Variants in KIF6 observed in about 807,000 individuals in gnomAD.
The protein encoded by KIF6 is kinesin family member 6, also known as kinesin-like protein KIF6.
KIF6 carries 106 observed loss-of-function variants against 112.7 expected under a neutral mutation model. The ratio of observed to expected loss-of-function variants is 0.94; its 90% CI spans 0.80 to 1.11. KIF6 has a LOEUF of 1.11. Among genes scored for constraint, KIF6 ranks in the 50% least tolerant of loss-of-function variants. The probability of loss-of-function intolerance (pLI) is 0.00; values close to 1 mark genes in which losing one functional copy is unlikely to be tolerated. For missense variants in KIF6, 929 were observed against 964.0 expected (o/e 0.96, Z 0.48); for synonymous variants, 339 against 339.9 (o/e 1.00, Z 0.03).
At position 39,722,426 on chromosome 6, in the gene KIF6, T is replaced by G. The variant is rs182750369; in HGVS notation, c.67-1615A>C. 3.2e-4 allele frequency among the ~76,000 whole-genome samples: 48 copies of G among 152,362 alleles called. 1 individual carries two copies. Among genetic ancestry groups the G allele is most frequent in the African/African-American group, 1.0e-3 (42 of 41,586 alleles). Reference sequence around the variant, plus strand: ...TATTATTTGAGATAGTGAAGTTTTTTTTTTAAGAAGACAGAACAAGTGCAA... The same window carrying G: ...TATTATTTGAGATAGTGAAGTTTTTGTTTTAAGAAGACAGAACAAGTGCAA... On this transcript the variant is annotated intron_variant, in intron 1 of 22. Transcript: ENST00000287152.
intron 22 of KIF6, among the ~76,000 whole-genome samples, chr6:39,337,591 T>A (rs983704935): frequency 6.6e-6 from 1 of 151,408 alleles, no homozygotes; most frequent in Admixed American, 6.6e-5. Context: ...GGATTACAGG[T>A]GTGAGCTACC....
chr6:39,413,629 C>T (rs771709796), intron 15 of KIF6, among the ~76,000 whole-genome samples: 3 of 152,034 alleles, frequency 2.0e-5, no homozygotes, highest in Admixed American at 6.6e-5. Flanking sequence ...CTAAAGACCA[C>T]GTAAACTTGG....
chr6:39,345,828 G>A, intron 20 of KIF6, 39 bp from the exon 21 acceptor site: 9 of 1,466,104 alleles, frequency 6.1e-6, no homozygotes, highest in Non-Finnish European at 8.5e-6. Context: ...AGGAATGGGG[G>A]CAAATTTATA....
At chr6:39,529,011 C>T (rs1487278521) in intron 13 of KIF6, among the ~76,000 whole-genome samples, 1 of 152,162 alleles carries the variant, frequency 6.6e-6, no homozygotes, top group Non-Finnish European at 1.5e-5. Context: ...AAATGAACCA[C>T]ACATGTAGAC....
chr6:39,574,126 C>T (rs537495989), intron 10 of KIF6, among the ~76,000 whole-genome samples: 51 of 152,142 alleles, frequency 3.4e-4, no homozygotes, highest in Non-Finnish European at 5.6e-4. Flanking sequence ...TTCATTCTAT[C>T]GCCCAAACTC....
chr6:39,424,044 C>T (rs756658842), intron 14 of KIF6, among the ~76,000 whole-genome samples: 18 of 152,164 alleles, frequency 1.2e-4, no homozygotes, highest in Non-Finnish European at 2.5e-4. Context: ...GATTCCCTAA[C>T]AGGGCGAAGT....
At chr6:39,472,346 T>G (rs970028701) in intron 13 of KIF6, among the ~76,000 whole-genome samples, 9 of 152,280 alleles carry the variant, frequency 5.9e-5, no homozygotes, top group Admixed American at 5.2e-4. Flanking sequence ...AGCCAGACAC[T>G]TCCATGTCTC....
intron 13 of KIF6, among the ~76,000 whole-genome samples, chr6:39,531,810 C>A (rs941122859): frequency 2.6e-5 from 4 of 152,144 alleles, no homozygotes; most frequent in Admixed American, 1.3e-4. Flanking sequence ...CTCTCATCAT[C>A]CCTGTCCTTT....
chr6:39,562,224 G>A (rs1194571551), intron 10 of KIF6, among the ~76,000 whole-genome samples: 1 of 152,136 alleles, frequency 6.6e-6, no homozygotes, highest in Non-Finnish European at 1.5e-5. Context: ...ACAAGCACTG[G>A]TTAATATACT....
intron 10 of KIF6, among the ~76,000 whole-genome samples, chr6:39,551,421 T>C (rs1188584757): frequency 6.6e-6 from 1 of 152,158 alleles, no homozygotes; most frequent in Non-Finnish European, 1.5e-5. Flanking sequence ...AGATCCAGTA[T>C]TCAGTGGCAC....
At chr6:39,470,628 C>T (rs886530013) in intron 13 of KIF6, among the ~76,000 whole-genome samples, 13 of 152,154 alleles carry the variant, frequency 8.5e-5, no homozygotes, top group African/African-American at 1.9e-4. Context: ...TAGAAAACAA[C>T]ATATTTTAGG....
intron 19 of KIF6, among the ~76,000 whole-genome samples, chr6:39,348,607 C>T (rs1763979436): frequency 6.6e-6 from 1 of 152,128 alleles, no homozygotes. Context: ...TGTTGACGCC[C>T]CTCTGGAGAG....
At chr6:39,504,379 C>A (rs1776320038) in intron 13 of KIF6, among the ~76,000 whole-genome samples, 1 of 152,090 alleles carries the variant, frequency 6.6e-6, no homozygotes, top group African/African-American at 2.4e-5. Flanking sequence ...ATGACAGACC[C>A]ACAGACAATA....
chr6:39,389,692 G>A (rs976678731), intron 15 of KIF6, among the ~76,000 whole-genome samples: 8 of 152,174 alleles, frequency 5.3e-5, no homozygotes, highest in African/African-American at 1.7e-4. Flanking sequence ...AGTTGGACTT[G>A]AGATGAAGCA....
At chr6:39,704,183 T>C (rs1373194710) in intron 3 of KIF6, among the ~76,000 whole-genome samples, 1 of 152,126 alleles carries the variant, frequency 6.6e-6, no homozygotes, top group East Asian at 1.9e-4. Flanking sequence ...AAATGGATGA[T>C]AGCTAATACT....
intron 3 of KIF6, among the ~76,000 whole-genome samples, chr6:39,703,087 C>CAA (rs59325654): frequency 5.2e-5 from 4 of 76,540 alleles, no homozygotes; most frequent in Non-Finnish European, 1.1e-4. Flanking sequence ...CCCCCACCCC[C>CAA]ACTCCCGGCC....
chr6:39,454,319 A>G (rs1772894572), intron 13 of KIF6, among the ~76,000 whole-genome samples: 1 of 152,136 alleles, frequency 6.6e-6, no homozygotes, highest in Non-Finnish European at 1.5e-5. Context: ...TGAAAGAGAG[A>G]GAGTAATAAG....
Position 39,720,745 on chromosome 6 carries a change from C to G in KIF6, c.133G>C (p.Ala45Pro). 6.2e-7 allele frequency: 1 copy of G among 1,609,994 alleles called. No individual in the cohort carries two copies. Among genetic ancestry groups the G allele is most frequent in the South Asian group, 1.1e-5 (1 of 90,970 alleles). Reference sequence around the variant, plus strand: ...CGCTTATTATTCACAAACCCATCTGCCAAATCACGTGGTAAGATGATTTCC... The same window carrying G: ...CGCTTATTATTCACAAACCCATCTGGCAAATCACGTGGTAAGATGATTTCC... ...SLEIILPRDLADGFVNNKRES... is the reference protein window; with the variant it reads ...SLEIILPRDLPDGFVNNKRES... The change falls in exon 2 of 23, where the codon GCA becomes CCA. Residue 45 changes from alanine to proline, a missense_variant. This residue lies in a region of KIF6 where 688 missense variants were observed against 662.7 expected (regional missense o/e 1.04). Coordinates refer to ENST00000287152, the MANE Select transcript of KIF6 (RefSeq NM_145027.6).
At chr6:39,580,998 A>C (rs1029279126) in intron 9 of KIF6, among the ~76,000 whole-genome samples, 10 of 152,080 alleles carry the variant, frequency 6.6e-5, no homozygotes, top group Admixed American at 1.3e-4. Context: ...CATATTAATA[A>C]TCTTCCTATC....
Sources: allele counts gnomAD v4.1 joint callset (sites outside exome capture counted in the v4.1 genomes callset), GRCh38; gene constraint gnomAD v4.1.1; regional missense constraint gnomAD v4.1.1; transcripts MANE v1.5; gene names NCBI Gene and HGNC (gene_info 2026-07-23, HGNC 2026-07-21).